The following CAGE1 variants were observed in gnomAD, a reference collection of about 807,000 sequenced individuals.
CAGE1 encodes the protein cancer-associated gene 1 protein.
CAGE1 carries 66 observed loss-of-function variants against 94.9 expected under a neutral mutation model. That is an observed-to-expected ratio of 0.70 (90% confidence interval 0.57 to 0.85). The LOEUF is 0.85. Ranked by LOEUF, CAGE1 falls within the 40% of genes least tolerant of loss-of-function variation. The pLI, the probability that CAGE1 is intolerant of heterozygous loss-of-function variation, is 0.00. For missense variants in CAGE1, 865 were observed against 950.4 expected, an observed-to-expected ratio of 0.91 and a Z score of 1.18; for synonymous variants, 319 against 321.0, an observed-to-expected ratio of 0.99 and a Z score of 0.07.
At chr6:7,345,123 A>C (rs959685752) in intron 11 of CAGE1, among the ~76,000 whole-genome samples, 20 of 151,530 alleles carry the variant, frequency 1.3e-4, no homozygotes, top group Non-Finnish European at 5.9e-5. Context: ...TTTGCTCTTT[A>C]GATCCATATT....
intron 9 of CAGE1, among the ~76,000 whole-genome samples, chr6:7,356,971 A>G (rs1159704515): frequency 6.6e-6 from 1 of 151,914 alleles, no homozygotes; most frequent in African/African-American, 2.4e-5. Context: ...TAATTTTTGT[A>G]TTTTTAGTCG....
chr6:7,372,687 G>T (rs1021515369), intron 5 of CAGE1, among the ~76,000 whole-genome samples: 11 of 150,068 alleles, frequency 7.3e-5, no homozygotes, highest in African/African-American at 2.5e-4. Context: ...TTCTTTTTTT[G>T]AGACAGAATC....
chr6:7,330,564 T>C (rs1483843635), intron 12 of CAGE1, among the ~76,000 whole-genome samples: 1 of 152,248 alleles, frequency 6.6e-6, no homozygotes, highest in Non-Finnish European at 1.5e-5. Context: ...CTCGCTTTTG[T>C]ATCCTTATTT....
At chr6:7,356,879 C>G (rs1273125209) in intron 9 of CAGE1, among the ~76,000 whole-genome samples, 3 of 152,162 alleles carry the variant, frequency 2.0e-5, no homozygotes, top group East Asian at 3.8e-4. Context: ...TCACTGCAAC[C>G]TCTACCTCCC....
chr6:7,359,217 T>C (rs1321781648), intron 9 of CAGE1, among the ~76,000 whole-genome samples: 1 of 152,194 alleles, frequency 6.6e-6, no homozygotes, highest in African/African-American at 2.4e-5. Context: ...CGGCTAATTT[T>C]GTATTTTTTA....
chr6:7,375,441 A>C (rs542530145), intron 4 of CAGE1, among the ~76,000 whole-genome samples: 1 of 152,166 alleles, frequency 6.6e-6, no homozygotes, highest in East Asian at 1.9e-4. Flanking sequence ...CAAAAAAAAC[A>C]AAAACAAAAC....
At chr6:7,361,703 G>T in intron 9 of CAGE1, among the ~76,000 whole-genome samples, 1 of 152,168 alleles carries the variant, frequency 6.6e-6, no homozygotes, top group East Asian at 1.9e-4. Context: ...CTTTAGAATG[G>T]AAATTAGGAA....
At position 7,373,690 on chromosome 6, in the gene CAGE1, C is replaced by T. The variant is rs370574398; in HGVS notation, c.1129G>A (p.Asp377Asn). ...AAATTCTGCAATGTCTTTTTAGTAT[C>T]ATTCTTCTCTAGGATTATTTTGTAT... ...DKYKIILEKN[D>N]TKKTLQNLEE... Residue 377 changes from aspartate (D) to asparagine (N), a missense_variant, in exon 5 of 14, where the codon GAT becomes AAT. Physicochemically the swap from Asp to Asn is conservative, Grantham distance 23. Transcript: ENST00000502583. 5 of 1,612,784 alleles carry T rather than the reference C, an allele frequency of 3.1e-6. No homozygotes were observed. The Admixed American group carries it at 5.0e-5, about 16-fold the overall frequency.
At chr6:7,344,923 C>T (rs748109101) in intron 11 of CAGE1, among the ~76,000 whole-genome samples, 2 of 152,158 alleles carry the variant, frequency 1.3e-5, no homozygotes, top group African/African-American at 2.4e-5. Context: ...ACCTTTGCGC[C>T]TAGCTCAGGG....
At chr6:7,381,621 TG>T (rs1213887239) in intron 3 of CAGE1, among the ~76,000 whole-genome samples, 5 of 150,304 alleles carry the variant, frequency 3.3e-5, no homozygotes, top group Admixed American at 1.3e-4. Flanking sequence ...CTCCACCTCC[TG>T]GGTTCAAGCA....
At chr6:7,382,581 A>G (rs1317194162) in intron 3 of CAGE1, among the ~76,000 whole-genome samples, 1 of 148,984 alleles carries the variant, frequency 6.7e-6, no homozygotes, top group African/African-American at 2.5e-5. Context: ...GATTACAGGT[A>G]TGAGCTACCG....
Position 7,373,152 on chromosome 6 carries a change from T to A in CAGE1, c.1667A>T (p.Glu556Val). 1 of 1,613,654 alleles carries A rather than the reference T, an allele frequency of 6.2e-7. No homozygotes were observed. The highest frequency in any genetic ancestry group is 1.1e-5 in the South Asian group (1 of 90,986). ...CTCAAATTTAGGGACATAATTTTGCTCTTCACTCCTTGCAACCTGCTGTTT... is the reference window on the plus strand; with the variant it reads ...CTCAAATTTAGGGACATAATTTTGCACTTCACTCCTTGCAACCTGCTGTTT... ...KLKQQVARSE[E>V]QNYVPKFETA... is the part of the protein sequence containing the mutation. Residue 556 changes from glutamate (E) to valine (V), a missense_variant, in exon 5 of 14, where the codon GAG (glutamate) becomes GTG (valine). By Grantham distance (121) the Glu-to-Val change is moderately radical. Coordinates refer to ENST00000502583, the MANE Select transcript of CAGE1 (RefSeq NM_001170692.2).
intron 5 of CAGE1, among the ~76,000 whole-genome samples, chr6:7,372,787 A>T (rs56128756): frequency 6.6e-6 from 1 of 151,580 alleles, no homozygotes; most frequent in Admixed American, 6.6e-5. Context: ...CCCCATCTCA[A>T]CCTCCCGAAT....
chr6:7,360,773 G>A (rs1273804767), intron 9 of CAGE1, among the ~76,000 whole-genome samples: 4 of 151,996 alleles, frequency 2.6e-5, no homozygotes, highest in Non-Finnish European at 5.9e-5. Flanking sequence ...GTGAAACCCC[G>A]TCTCTACTAA....
At chr6:7,345,543 C>T (rs559441863) in intron 11 of CAGE1, among the ~76,000 whole-genome samples, 1 of 152,160 alleles carries the variant, frequency 6.6e-6, no homozygotes, top group Non-Finnish European at 1.5e-5. Flanking sequence ...TAAGCTATCA[C>T]CAAGTAGTTT....
intron 11 of CAGE1, among the ~76,000 whole-genome samples, chr6:7,335,464 C>T (rs978493963): frequency 6.6e-6 from 1 of 152,340 alleles, no homozygotes; most frequent in Admixed American, 6.5e-5. Context: ...TCAGACAAAC[C>T]AAAGAGCATA....
At chr6:7,340,777 G>A (rs775958788) in intron 11 of CAGE1, 36 of 359,252 alleles carry the variant, frequency 1.0e-4, no homozygotes, top group Middle Eastern at 2.1e-3. Flanking sequence ...ATGGGCTAGA[G>A]CTACTCGTTG....
At chr6:7,365,385 G>A in intron 9 of CAGE1, 83 bp downstream of exon 9, 1 of 1,126,406 alleles carries the variant, frequency 8.9e-7, no homozygotes, top group Admixed American at 2.4e-5. Flanking sequence ...CCAGTTTTTT[G>A]AAGGATGATA....
intron 13 of CAGE1, 145 bp from the exon 14 acceptor site, chr6:7,327,044 C>G (rs1758562901): frequency 1.5e-6 from 1 of 658,802 alleles, no homozygotes; most frequent in Non-Finnish European, 2.7e-6. Flanking sequence ...CAGATAATAC[C>G]AACACTATAT....
Sources: allele counts gnomAD v4.1 joint callset (sites outside exome capture counted in the v4.1 genomes callset), GRCh38; gene constraint gnomAD v4.1.1; transcripts MANE v1.5; gene names NCBI Gene and HGNC (gene_info 2026-07-23, HGNC 2026-07-21).